Variants in PLCE1 observed in about 807,000 individuals in gnomAD.
PLCE1 encodes the protein phospholipase C epsilon 1.
A neutral mutation model predicts 242.8 loss-of-function variants in PLCE1; 119 were observed. The observed-to-expected ratio is 0.49, with a 90% CI of 0.42 to 0.57. PLCE1 has a LOEUF of 0.57. Ranked by LOEUF, PLCE1 falls within the 20% of genes least tolerant of loss-of-function variation. PLCE1 has a pLI of 0.00. For synonymous variants in PLCE1, 945 were observed against 1,017.4 expected (o/e 0.93, Z 1.35); for missense variants, 2,441 against 2,788.8 (o/e 0.88, Z 2.81).
intron 2 of PLCE1, among the ~76,000 whole-genome samples, chr10:94,115,229 C>T (rs1244478631): frequency 4.6e-5 from 7 of 152,112 alleles, no homozygotes; most frequent in Non-Finnish European, 7.3e-5. Flanking sequence ...AATAAACATA[C>T]GTGTGCATGT....
intron 17 of PLCE1, 152 bp downstream of exon 17, chr10:94,269,188 G>A: frequency 1.9e-6 from 1 of 532,510 alleles, no homozygotes; most frequent in South Asian, 1.9e-5. Context: ...TGCAACCTCT[G>A]CCTCCGAGGT....
At chr10:94,273,859 T>C in intron 19 of PLCE1, 139 bp downstream of exon 19, 2 of 827,274 alleles carry the variant, frequency 2.4e-6, no homozygotes, top group East Asian at 2.6e-5. Context: ...AAGTTTGATT[T>C]TGGGCTTTTC....
rs1564612181 is a variant in PLCE1, at chr10:93,994,054, GCCCGGGC to G, written c.-568_-562del. ...GCGGCGGGAGGGGCAGCGGCGGCGC[GCCCGGGC>G]TCTACCTCCCGGGCTCTGCCTCCCG... On this transcript the variant is annotated 5_prime_UTR_variant, in exon 1 of 33. Coordinates refer to ENST00000371380, the MANE Select transcript of PLCE1 (RefSeq NM_016341.4). Among the ~76,000 whole-genome samples the G allele has an allele frequency of 6.6e-6, 1 of 151,142 alleles. No homozygotes were observed. The highest frequency in any genetic ancestry group is 1.5e-5 in the Non-Finnish European group (1 of 67,456).
intron 6 of PLCE1, among the ~76,000 whole-genome samples, chr10:94,234,764 A>G (rs1029398654): frequency 1.3e-5 from 2 of 152,018 alleles, no homozygotes; most frequent in Non-Finnish European, 2.9e-5. Context: ...ATGTAGAGAC[A>G]AGCTCCAGGC....
chr10:94,327,243 A>G (rs533616331), intron 32 of PLCE1, among the ~76,000 whole-genome samples: 23 of 152,050 alleles, frequency 1.5e-4, no homozygotes, highest in Admixed American at 5.9e-4. Context: ...CTCCTTTACA[A>G]TGGTCTTTTC....
chr10:94,315,080 G>T (rs970599397), intron 28 of PLCE1: 3 of 232,838 alleles, frequency 1.3e-5, no homozygotes, highest in Admixed American at 5.2e-5. Context: ...TGAGCAGGGG[G>T]TGATGCTGGC....
intron 1 of PLCE1, among the ~76,000 whole-genome samples, chr10:94,006,648 C>T (rs1468860375): frequency 4.6e-5 from 7 of 152,186 alleles, no homozygotes; most frequent in African/African-American, 1.7e-4. Flanking sequence ...TAGTACTAAG[C>T]TCTAGGTTTC....
At chr10:94,163,797 G>T (rs1739194501) in intron 3 of PLCE1, among the ~76,000 whole-genome samples, 1 of 152,184 alleles carries the variant, frequency 6.6e-6, no homozygotes, top group South Asian at 2.1e-4. Flanking sequence ...GCTGGTACCG[G>T]TTGTTCCTTT....
intron 2 of PLCE1, chr10:94,108,986 A>G (rs1347984745): frequency 6.6e-6 from 1 of 152,232 alleles, no homozygotes; most frequent in Non-Finnish European, 1.5e-5. Context: ...AGAAATATCA[A>G]TGACTTGTCC....
chr10:94,007,070 C>A (rs1448499732), intron 1 of PLCE1, among the ~76,000 whole-genome samples: 1 of 151,906 alleles, frequency 6.6e-6, no homozygotes, highest in Non-Finnish European at 1.5e-5. Flanking sequence ...ATAAAGAGGA[C>A]TATGGATGAT....
chr10:94,278,441 A>G (rs1004823294), intron 19 of PLCE1, among the ~76,000 whole-genome samples: 1 of 152,210 alleles, frequency 6.6e-6, no homozygotes, highest in African/African-American at 2.4e-5. Context: ...GTTGTCGCTA[A>G]TATCTCCAAG....
Position 94,209,274 on chromosome 10 carries a change from A to G in PLCE1, c.1810-18032A>G, listed in dbSNP as rs1164270601. Among the ~76,000 whole-genome samples, 3 of 152,230 alleles carry G rather than the reference A, an allele frequency of 2.0e-5. No homozygotes were observed. The East Asian group carries it at 5.8e-4, about 29-fold the overall frequency. On this transcript the variant is annotated intron_variant, in intron 4 of 32. Coordinates refer to ENST00000371380, the MANE Select transcript of PLCE1 (RefSeq NM_016341.4). ...ATTTGACAGAAGGCTGGAGTCTAGT[A>G]ACTTAGAGTTAAAAGGAAAAATATA...
rs144724654 is a variant in PLCE1, at chr10:94,086,781, C to G, written c.1207-45393C>G. ...TGGGCTCTGGAATCTCACAGGTCTG[C>G]CTCCAGTCCCTATTTGTCCCCTTGA... is the stretch of plus-strand genomic sequence containing the variant. On this transcript the variant is annotated intron_variant, in intron 2 of 32. Transcript: ENST00000371380. Among the ~76,000 whole-genome samples, 220 of 152,324 alleles carry G rather than the reference C, an allele frequency of 1.4e-3. 2 individuals are homozygous for G. The highest frequency in any genetic ancestry group is 4.4e-3 in the African/African-American group (184 of 41,578).
chr10:94,308,766 G>A (rs1282230167), intron 27 of PLCE1, 67 bp downstream of exon 27: 4 of 1,039,506 alleles, frequency 3.8e-6, no homozygotes, highest in Admixed American at 1.7e-5. Context: ...GCTTTTTTGT[G>A]GCCCAGCAAA....
At chr10:94,151,573 G>T (rs756741117) in intron 3 of PLCE1, among the ~76,000 whole-genome samples, 5 of 152,198 alleles carry the variant, frequency 3.3e-5, no homozygotes, top group Non-Finnish European at 7.3e-5. Flanking sequence ...TTTTATCGGG[G>T]TGAGAGGTCA....
chr10:94,284,020 T>C, intron 21 of PLCE1, 109 bp downstream of exon 21: 2 of 1,315,246 alleles, frequency 1.5e-6, no homozygotes, highest in Non-Finnish European at 2.2e-6. Context: ...TTCCCCTCAC[T>C]TTCCCTTAGA....
rs74565321 is a variant in PLCE1 at position 94,068,099 on chromosome 10, G to A, written c.1206+35847G>A. ...AGTGGGGCTCTGCCAGTCCCAGGTT[G>A]TTTAATTGCTCACATCTGTCCCATC... On this transcript the variant is annotated intron_variant, in intron 2 of 32. Coordinates refer to ENST00000371380, the MANE Select transcript of PLCE1 (RefSeq NM_016341.4). 2.7e-3 allele frequency among the ~76,000 whole-genome samples: 406 copies of A among 152,266 alleles called. 4 individuals are homozygous for A. Among genetic ancestry groups the A allele is most frequent in the East Asian group, 9.3e-3 (48 of 5,172 alleles).
chr10:94,171,145 T>G, intron 3 of PLCE1, 35 bp from the exon 4 acceptor site: 1 of 1,577,848 alleles, frequency 6.3e-7, no homozygotes, highest in Non-Finnish European at 8.7e-7. Context: ...GACACCAGAT[T>G]TGATGTAACC....
chr10:93,997,435 G>A (rs781759914), intron 1 of PLCE1, among the ~76,000 whole-genome samples: 1 of 152,100 alleles, frequency 6.6e-6, no homozygotes, highest in Non-Finnish European at 1.5e-5. Context: ...TAGGGAGTGT[G>A]GACTTCCATG....
Sources: allele counts gnomAD v4.1 joint callset (sites outside exome capture counted in the v4.1 genomes callset), GRCh38; gene constraint gnomAD v4.1.1; transcripts MANE v1.5; gene names NCBI Gene and HGNC (gene_info 2026-07-23, HGNC 2026-07-21).